Variants in ITFG1 observed in about 807,000 individuals in gnomAD.
ITFG1 encodes integrin alpha FG-GAP repeat containing 1, also known as T-cell immunomodulatory protein.
Under a neutral mutation model 81.8 loss-of-function variants are expected in ITFG1, and 34 were observed. The observed-to-expected ratio is 0.42, with a 90% CI of 0.32 to 0.55. The LOEUF (loss-of-function observed/expected upper bound fraction) is 0.55, where lower values mean the gene tolerates loss of function less well. Ranked by LOEUF, ITFG1 falls within the 20% of genes least tolerant of loss-of-function variation. ITFG1 has a pLI of 0.17. For synonymous variants in ITFG1, 285 were observed against 270.6 expected (o/e 1.05, Z -0.52); for missense variants, 672 against 755.4 (o/e 0.89, Z 1.29).
At chr16:47,332,204 T>C (rs946816847) in intron 8 of ITFG1, among the ~76,000 whole-genome samples, 3 of 144,846 alleles carry the variant, frequency 2.1e-5, no homozygotes, top group African/African-American at 8.5e-5. Context: ...AATAATAAAA[T>C]AAAATAAAAT....
chr16:47,436,455 T>A (rs1969168088), intron 5 of ITFG1, among the ~76,000 whole-genome samples: 1 of 152,122 alleles, frequency 6.6e-6, no homozygotes, highest in Admixed American at 6.5e-5. Context: ...AAGCCAAAGG[T>A]AAAATTTTAT....
chr16:47,295,065 G>A (rs1057098177), intron 10 of ITFG1, among the ~76,000 whole-genome samples: 1 of 152,096 alleles, frequency 6.6e-6, no homozygotes, highest in Non-Finnish European at 1.5e-5. Flanking sequence ...TTTTTATCAT[G>A]AAGAGATGAA....
At chr16:47,328,879 T>C (rs1313071648) in intron 8 of ITFG1, among the ~76,000 whole-genome samples, 1 of 152,098 alleles carries the variant, frequency 6.6e-6, no homozygotes, top group Non-Finnish European at 1.5e-5. Flanking sequence ...AGCAAGAAAC[T>C]GAAATACAAT....
chr16:47,369,160 C>T lies in ITFG1; in HGVS notation c.721-3291G>A, dbSNP rs148288898. ...TACATTTTAAAGTGCAGCATAACTA[C>T]GCTCATTTTCAAAGATGAAGCTGCT... On this transcript the variant is annotated intron_variant, in intron 7 of 17. Transcript: ENST00000320640. Among the ~76,000 whole-genome samples the T allele has an allele frequency of 7.8e-3, 1,184 of 152,214 alleles. 19 individuals carry two copies. The highest frequency in any genetic ancestry group is 0.027 in the African/African-American group (1,105 of 41,520).
chr16:47,227,923 T>G (rs980994051), intron 13 of ITFG1, among the ~76,000 whole-genome samples: 1 of 152,212 alleles, frequency 6.6e-6, no homozygotes, highest in African/African-American at 2.4e-5. Flanking sequence ...CACTGGCATT[T>G]GTCTTTATCT....
chr16:47,245,853 A>C (rs1410270274), intron 12 of ITFG1, among the ~76,000 whole-genome samples: 1 of 151,104 alleles, frequency 6.6e-6, no homozygotes, highest in South Asian at 2.1e-4. Flanking sequence ...TTAAATGAAG[A>C]GGAAACTGAA....
chr16:47,181,569 C>G (rs1234814924), intron 14 of ITFG1, among the ~76,000 whole-genome samples: 1 of 147,072 alleles, frequency 6.8e-6, no homozygotes, highest in Non-Finnish European at 1.5e-5. Flanking sequence ...GGTCAGCCCC[C>G]CCGCCCGGCC....
rs1462469020 is a variant in ITFG1, at chr16:47,402,733, A to G, written c.655+26071T>C. 1.3e-5 allele frequency among the ~76,000 whole-genome samples: 2 copies of G among 152,212 alleles called. 1 individual carries two copies. Among genetic ancestry groups the G allele is most frequent in the African/African-American group, 4.8e-5 (2 of 41,468 alleles). On this transcript the variant is annotated intron_variant, in intron 6 of 17. Coordinates refer to ENST00000320640, the MANE Select transcript of ITFG1 (RefSeq NM_030790.5). ...AAATGACCAAATTAATCACGCACAT[A>G]AGGAGGCTATGTTTTTTAATTCTAA...
rs184086805 is a variant in ITFG1, at chr16:47,328,336, C to T, written c.803-14513G>A. Among the ~76,000 whole-genome samples, 532 of 151,942 alleles carry T rather than the reference C, an allele frequency of 3.5e-3. 14 individuals carry two copies. The highest frequency in any genetic ancestry group is 0.031 in the Admixed American group (478 of 15,236). ...GGGACAGTTGTGGGGTGGGGGAAGG[C>T]GGGAGCGATAGCATTAGGAGATATA... On this transcript the variant is annotated intron_variant, in intron 8 of 17. Coordinates refer to ENST00000320640, the MANE Select transcript of ITFG1 (RefSeq NM_030790.5).
chr16:47,447,076 C>CA (rs1969333722), intron 5 of ITFG1, among the ~76,000 whole-genome samples: 1 of 151,992 alleles, frequency 6.6e-6, no homozygotes, highest in African/African-American at 2.4e-5. Flanking sequence ...CTGTGTTACC[C>CA]AGGCTGGTCT....
intron 10 of ITFG1, among the ~76,000 whole-genome samples, chr16:47,273,167 C>A (rs1365887165): frequency 1.3e-5 from 2 of 151,884 alleles, no homozygotes; most frequent in African/African-American, 4.8e-5. Flanking sequence ...CTCTTCCAGA[C>A]TGTCTTTAAC....
chr16:47,434,267 G>A (rs1459165197), intron 5 of ITFG1, among the ~76,000 whole-genome samples: 3 of 151,572 alleles, frequency 2.0e-5, no homozygotes, highest in Admixed American at 6.6e-5. Context: ...AGGGTGAACT[G>A]ACAGCCTACA....
intron 8 of ITFG1, among the ~76,000 whole-genome samples, chr16:47,355,477 A>C (rs948624508): frequency 6.6e-6 from 1 of 152,196 alleles, no homozygotes. Context: ...CAGTAGGGTG[A>C]CTATAGGTAG....
intron 6 of ITFG1, among the ~76,000 whole-genome samples, chr16:47,380,108 T>G (rs1968377566): frequency 6.7e-6 from 1 of 149,422 alleles, no homozygotes. Flanking sequence ...CAAGGAGGAC[T>G]TTGACCAGTA....
chr16:47,167,949 A>G (rs909380152), intron 14 of ITFG1, among the ~76,000 whole-genome samples: 12 of 152,180 alleles, frequency 7.9e-5, no homozygotes, highest in African/African-American at 2.4e-5. Context: ...TTGAGTATAT[A>G]TTAGAAATTC....
intron 14 of ITFG1, among the ~76,000 whole-genome samples, chr16:47,166,818 A>G (rs1334242235): frequency 6.6e-6 from 1 of 151,506 alleles, no homozygotes; most frequent in Admixed American, 6.6e-5. Flanking sequence ...CTAGATACAG[A>G]ATACTGGATC....
chr16:47,284,277 T>C (rs1185746453), intron 10 of ITFG1, among the ~76,000 whole-genome samples: 1 of 152,152 alleles, frequency 6.6e-6, no homozygotes. Flanking sequence ...TATACATTTA[T>C]AAAAACATTA....
intron 14 of ITFG1, among the ~76,000 whole-genome samples, chr16:47,210,898 ATTC>A (rs1225450068): frequency 1.3e-5 from 2 of 152,104 alleles, no homozygotes; most frequent in Non-Finnish European, 2.9e-5. Context: ...CACCTATTTT[ATTC>A]TTCTTTTTCC....
chr16:47,199,682 G>A (rs921050517), intron 14 of ITFG1, among the ~76,000 whole-genome samples: 2 of 152,044 alleles, frequency 1.3e-5, no homozygotes, highest in African/African-American at 4.8e-5. Flanking sequence ...ATGGACCGGG[G>A]GTGGGGGATG....
Sources: allele counts gnomAD v4.1 joint callset (sites outside exome capture counted in the v4.1 genomes callset), GRCh38; gene constraint gnomAD v4.1.1; transcripts MANE v1.5; gene names NCBI Gene and HGNC (gene_info 2026-07-23, HGNC 2026-07-21).